NUBPL: variants seen among roughly 807,000 people sequenced by gnomAD.
NUBPL encodes the protein NUBP iron-sulfur cluster assembly factor, mitochondrial.
NUBPL carries 31 observed loss-of-function variants against 45.7 expected under a neutral mutation model. That is an observed-to-expected ratio of 0.68 (90% confidence interval 0.51 to 0.92). The LOEUF (loss-of-function observed/expected upper bound fraction) is 0.92. NUBPL is among the 40% of genes least tolerant of loss of function. NUBPL has a pLI of 0.00. For missense variants in NUBPL, 401 were observed against 398.7 expected (o/e 1.01, Z -0.05); for synonymous variants, 144 against 140.9 (o/e 1.02, Z -0.15).
At chr14:31,569,400 T>C (rs1432418682) in intron 3 of NUBPL, among the ~76,000 whole-genome samples, 1 of 152,108 alleles carries the variant, frequency 6.6e-6, no homozygotes, top group Non-Finnish European at 1.5e-5. Context: ...TTTCACCATA[T>C]TGGTCAGGCT....
At chr14:31,756,578 T>G (rs1205789478) in intron 6 of NUBPL, among the ~76,000 whole-genome samples, 1 of 151,248 alleles carries the variant, frequency 6.6e-6, no homozygotes, top group African/African-American at 2.4e-5. Context: ...TGAAGTTGCT[T>G]ATCAGCTTGA....
chr14:31,753,861 G>T (rs2038588779), intron 6 of NUBPL, among the ~76,000 whole-genome samples: 1 of 152,082 alleles, frequency 6.6e-6, no homozygotes, highest in South Asian at 2.1e-4. Flanking sequence ...TCATTTATTT[G>T]TTTTCGCCTT....
chr14:31,730,799 G>A (rs950369010), intron 6 of NUBPL, among the ~76,000 whole-genome samples: 4 of 152,104 alleles, frequency 2.6e-5, no homozygotes, highest in Non-Finnish European at 4.4e-5. Context: ...AGATGGTCCT[G>A]GATTGTAGTT....
Position 31,562,110 on chromosome 14 carries a change from C to G in NUBPL, c.151C>G (p.Gln51Glu), listed in dbSNP as rs763945569. The change falls in exon 2 of 11, where the codon CAA (glutamine) becomes GAA (glutamate). Residue 51 changes from glutamine to glutamate, a missense_variant. Transcript: ENST00000281081. ...GSETLKQRRT[Q>E]IMSRGLPKQK... ...TGAGACCCTAAAACAAAGAAGAACA[C>G]AAATCATGTCCCGAGGACTTCCAAA... 6.2e-7 allele frequency: 1 copy of G among 1,612,310 alleles called. No individual in the cohort carries two copies. Among genetic ancestry groups the G allele is most frequent in the East Asian group, 2.2e-5 (1 of 44,798 alleles).
At chr14:31,680,983 AAT>A (rs2036819725) in intron 6 of NUBPL, among the ~76,000 whole-genome samples, 1 of 152,084 alleles carries the variant, frequency 6.6e-6, no homozygotes, top group Non-Finnish European at 1.5e-5. Flanking sequence ...AGACTTTTGC[AAT>A]AGTGTTTGTG....
intron 4 of NUBPL, among the ~76,000 whole-genome samples, chr14:31,652,022 A>G (rs1340255544): frequency 6.6e-6 from 1 of 152,214 alleles, no homozygotes; most frequent in African/African-American, 2.4e-5. Flanking sequence ...AGTGTCCATC[A>G]ATGAATGAAT....
At chr14:31,699,051 C>A (rs1018342468) in intron 6 of NUBPL, among the ~76,000 whole-genome samples, 1 of 152,054 alleles carries the variant, frequency 6.6e-6, no homozygotes, top group Non-Finnish European at 1.5e-5. Context: ...GATGGCATTT[C>A]GCCATGTTGG....
chr14:31,848,971 G>T (rs892474270), intron 9 of NUBPL, among the ~76,000 whole-genome samples: 1 of 152,114 alleles, frequency 6.6e-6, no homozygotes, highest in Non-Finnish European at 1.5e-5. Context: ...TTGCTCCTGT[G>T]ACAGTTTCCT....
intron 6 of NUBPL, among the ~76,000 whole-genome samples, chr14:31,757,403 T>C (rs1364169709): frequency 6.6e-6 from 1 of 151,788 alleles, no homozygotes; most frequent in Non-Finnish European, 1.5e-5. Flanking sequence ...TATTCAGAGA[T>C]TCAACTTCTT....
At chr14:31,607,161 G>C (rs2034623803) in intron 4 of NUBPL, among the ~76,000 whole-genome samples, 1 of 152,030 alleles carries the variant, frequency 6.6e-6, no homozygotes, top group African/African-American at 2.4e-5. Context: ...CGGGCAGATT[G>C]CCTGAGCTCA....
At chr14:31,670,086 C>T (rs2036536666) in intron 4 of NUBPL, among the ~76,000 whole-genome samples, 1 of 152,120 alleles carries the variant, frequency 6.6e-6, no homozygotes, top group African/African-American at 2.4e-5. Flanking sequence ...AGCTAATTTA[C>T]ACCTCCATCA....
intron 4 of NUBPL, among the ~76,000 whole-genome samples, chr14:31,672,484 G>T (rs926202725): frequency 3.3e-5 from 5 of 151,978 alleles, no homozygotes; most frequent in Admixed American, 2.0e-4. Context: ...TTTTTTTTGA[G>T]ACAGAGTCTT....
chr14:31,583,407 C>T (rs1191421203), intron 3 of NUBPL, among the ~76,000 whole-genome samples: 3 of 152,264 alleles, frequency 2.0e-5, no homozygotes, highest in Non-Finnish European at 1.5e-5. Context: ...ATATATTAGA[C>T]ACTGTGGTGG....
chr14:31,651,198 TCTCA>T (rs2035994488), intron 4 of NUBPL, among the ~76,000 whole-genome samples: 2 of 152,200 alleles, frequency 1.3e-5, no homozygotes, highest in East Asian at 3.9e-4. Flanking sequence ...AGTGGCAGGA[TCTCA>T]GCTCACTGCA....
At chr14:31,822,850 A>G (rs779613718) in intron 7 of NUBPL, among the ~76,000 whole-genome samples, 4 of 152,162 alleles carry the variant, frequency 2.6e-5, no homozygotes, top group Non-Finnish European at 5.9e-5. Flanking sequence ...TATTCAGACT[A>G]TTCTGCAAAG....
At chr14:31,568,873 G>T (rs2033507269) in intron 3 of NUBPL, among the ~76,000 whole-genome samples, 1 of 152,208 alleles carries the variant, frequency 6.6e-6, no homozygotes, top group African/African-American at 2.4e-5. Context: ...GAAGTGGATT[G>T]CGTAAGCCCT....
In NUBPL at chr14:31,662,538, T is replaced by C. The variant is rs116373814; in HGVS notation, c.383-10817T>C. On this transcript the variant is annotated intron_variant, in intron 4 of 10. Coordinates refer to ENST00000281081, the MANE Select transcript of NUBPL (RefSeq NM_025152.3). ...CCCTGTGTCCATCTGTTCTCATTGT[T>C]CAACTACCACTTATGATTGAGAACA... Among the ~76,000 whole-genome samples the C allele has an allele frequency of 2.8e-3, 423 of 152,294 alleles. 5 individuals carry two copies. The highest frequency in any genetic ancestry group is 9.6e-3 in the African/African-American group (400 of 41,550).
At chr14:31,659,527 G>A (rs1023421468) in intron 4 of NUBPL, among the ~76,000 whole-genome samples, 10 of 152,138 alleles carry the variant, frequency 6.6e-5, no homozygotes, top group Non-Finnish European at 1.5e-4. Flanking sequence ...TTAAGTCCTA[G>A]TATGTCTTAT....
At chr14:31,687,171 A>T (rs1469841615) in intron 6 of NUBPL, among the ~76,000 whole-genome samples, 1 of 152,228 alleles carries the variant, frequency 6.6e-6, no homozygotes, top group African/African-American at 2.4e-5. Flanking sequence ...AGTTTCCTGT[A>T]TAACTGTGTT....
Sources: gnomAD v4.1 joint callset for allele counts (sites outside exome capture counted in the v4.1 genomes callset) on GRCh38, gnomAD v4.1.1 for gene constraint, MANE v1.5 for transcripts, NCBI Gene and HGNC (gene_info 2026-07-23, HGNC 2026-07-21) for gene names.